The following ASB5 variants were observed in gnomAD, a reference collection of about 807,000 sequenced individuals.
The protein encoded by ASB5 is ankyrin repeat and SOCS box protein 5.
A neutral mutation model predicts 42.1 loss-of-function variants in ASB5; 45 were observed. The observed-to-expected ratio is 1.07, with a 90% CI of 0.84 to 1.37. The LOEUF (loss-of-function observed/expected upper bound fraction) is 1.37. Among genes scored for constraint, ASB5 ranks in the 40% most tolerant of loss-of-function variants. The pLI is 0.00. For synonymous variants in ASB5, 147 were observed against 150.6 expected, an observed-to-expected ratio of 0.98 and a Z score of 0.18; for missense variants, 402 against 399.8, an observed-to-expected ratio of 1.01 and a Z score of -0.05.
intron 1 of ASB5, among the ~76,000 whole-genome samples, chr4:176,227,335 G>C (rs1753408513): frequency 1.3e-5 from 2 of 152,190 alleles, no homozygotes; most frequent in Non-Finnish European, 2.9e-5. Flanking sequence ...AGAGAGAAGA[G>C]AGACTCTGCC....
intron 1 of ASB5, among the ~76,000 whole-genome samples, chr4:176,245,077 C>A (rs1284161425): frequency 6.6e-6 from 1 of 152,172 alleles, no homozygotes; most frequent in Non-Finnish European, 1.5e-5. Context: ...CTTAATTATT[C>A]ATTACCAGGA....
chr4:176,267,951 T>A (rs757055035), intron 1 of ASB5, among the ~76,000 whole-genome samples: 2 of 152,152 alleles, frequency 1.3e-5, no homozygotes, highest in Non-Finnish European at 2.9e-5. Context: ...GAAGGCAAGC[T>A]TTCTACTCTA....
chr4:176,257,563 G>GTCTGCA, intron 1 of ASB5, among the ~76,000 whole-genome samples: 1 of 152,140 alleles, frequency 6.6e-6, no homozygotes, highest in Non-Finnish European at 1.5e-5. Flanking sequence ...GTATCAGAGG[G>GTCTGCA]AGTACCTGCA....
In ASB5 at chr4:176,215,772, A is replaced by G. The variant is rs200678838; in HGVS notation, c.863-45T>C. The G allele has an allele frequency of 9.6e-6, 15 of 1,555,980 alleles. No homozygotes were observed. The East Asian group carries it at 3.4e-4, about 35-fold the overall frequency. On this transcript the variant is annotated intron_variant, in intron 6 of 6. Transcript: ENST00000296525. ...TATTTGTTAATTAAAATAGAAATGA[A>G]TTTTTTATGTTGTAAGGTACATAAC...
chr4:176,274,963 G>A (rs1303506236), intron 2 of ASB5, among the ~76,000 whole-genome samples: 2 of 135,516 alleles, frequency 1.5e-5, no homozygotes, highest in Admixed American at 8.4e-5. Flanking sequence ...CGCCCAGGCT[G>A]GAGTGCAGTG....
At chr4:176,217,261 CT>C (rs972485352) in intron 5 of ASB5, among the ~76,000 whole-genome samples, 90 of 151,928 alleles carry the variant, frequency 5.9e-4, no homozygotes, top group African/African-American at 2.1e-3. Flanking sequence ...TTATGTGACT[CT>C]CTGATACTTT....
intron 5 of ASB5, among the ~76,000 whole-genome samples, chr4:176,218,125 A>C (rs1753025568): frequency 7.8e-6 from 1 of 128,462 alleles, no homozygotes; most frequent in South Asian, 2.2e-4. Flanking sequence ...AGTAATTTCT[A>C]TATATATATA....
At chr4:176,220,598 G>A (rs565890250) in intron 5 of ASB5, among the ~76,000 whole-genome samples, 6 of 152,180 alleles carry the variant, frequency 3.9e-5, no homozygotes, top group Admixed American at 1.3e-4. Context: ...GTTTTTCAGG[G>A]GACTAAAGCT....
chr4:176,268,449 C>T (rs1754402450), intron 1 of ASB5, among the ~76,000 whole-genome samples: 1 of 151,908 alleles, frequency 6.6e-6, no homozygotes, highest in Non-Finnish European at 1.5e-5. Flanking sequence ...TGTGAGAAAC[C>T]AAATCTTGAA....
At position 176,213,733 on chromosome 4, in the gene ASB5, G is replaced by C. The variant is rs1450630964; in HGVS notation, c.*1867C>G. 1 of 151,976 alleles carries C rather than the reference G, an allele frequency of 6.6e-6. No individual in the cohort carries two copies. Among genetic ancestry groups the C allele is most frequent in the Non-Finnish European group, 1.5e-5 (1 of 67,936 alleles). The allele number at this position is 151,976 out of a possible 1,614,324, so 9.4% of individuals were successfully genotyped here. Reference sequence around the variant, plus strand: ...AATAACAAACATACAATACATTAAAGTTAGAACACTACTTTGATAAGACAA... The same window carrying C: ...AATAACAAACATACAATACATTAAACTTAGAACACTACTTTGATAAGACAA... On this transcript the variant is annotated 3_prime_UTR_variant, in exon 7 of 7. Transcript: ENST00000296525.
intron 2 of ASB5, among the ~76,000 whole-genome samples, chr4:176,274,557 C>T (rs1203802708): frequency 1.3e-5 from 2 of 152,166 alleles, no homozygotes; most frequent in Non-Finnish European, 2.9e-5. Context: ...CAGTGCCTCT[C>T]AGGTTATTAT....
intron 1 of ASB5, among the ~76,000 whole-genome samples, chr4:176,242,850 T>A (rs1753837128): frequency 6.6e-6 from 1 of 152,092 alleles, no homozygotes; most frequent in South Asian, 2.1e-4. Context: ...TTCCAAATAA[T>A]TTTTTTTCTA....
At chr4:176,276,825 C>T (rs1295669023) in intron 1 of ASB5, among the ~76,000 whole-genome samples, 1 of 152,114 alleles carries the variant, frequency 6.6e-6, no homozygotes, top group Non-Finnish European at 1.5e-5. Flanking sequence ...GAAGTTGTAC[C>T]AGTAGGGAAA....
chr4:176,213,848 A>T lies in ASB5; in HGVS notation c.*1752T>A, dbSNP rs576412503. ...TGATATTTACTTCTCTTATTGGCAC[A>T]AGACTAATAAGATAGATGGGTTGTA... On this transcript the variant is annotated 3_prime_UTR_variant, in exon 7 of 7. Transcript: ENST00000296525. The T allele has an allele frequency of 6.6e-6, 1 of 152,236 alleles. No individual in the cohort carries two copies. Among genetic ancestry groups the T allele is most frequent in the South Asian group, 2.1e-4 (1 of 4,832 alleles). 9.4% of individuals were successfully genotyped at this position (152,236 alleles called of 1,614,324 possible).
At chr4:176,239,932 C>A (rs1753775270) in intron 1 of ASB5, among the ~76,000 whole-genome samples, 1 of 152,122 alleles carries the variant, frequency 6.6e-6, no homozygotes, top group Non-Finnish European at 1.5e-5. Context: ...ATGGTTAATT[C>A]ACTAGAAAAT....
rs889055164 is a variant in ASB5 at position 176,226,517 on chromosome 4, A to G, written c.197-1176T>C. ...TCAGCCTCCATAGTCATGTGAGCCAATTCCCCTAATCTCCTCTCATATAGC... is the reference window on the plus strand; with the variant it reads ...TCAGCCTCCATAGTCATGTGAGCCAGTTCCCCTAATCTCCTCTCATATAGC... On this transcript the variant is annotated intron_variant, in intron 1 of 6. Coordinates refer to ENST00000296525, the MANE Select transcript of ASB5 (RefSeq NM_080874.4). Among the ~76,000 whole-genome samples the G allele has an allele frequency of 5.9e-5, 9 of 152,052 alleles. No homozygotes were observed. The East Asian group carries it at 1.2e-3, about 20-fold the overall frequency.
upstream of ASB5, among the ~76,000 whole-genome samples, chr4:176,271,926 C>G (rs549531242): frequency 1.3e-5 from 2 of 152,090 alleles, no homozygotes; most frequent in Admixed American, 6.5e-5. Context: ...CTCATACATA[C>G]AGAGATTGAG....
At chr4:176,216,004 C>T (rs1752958443) in intron 6 of ASB5, among the ~76,000 whole-genome samples, 1 of 151,904 alleles carries the variant, frequency 6.6e-6, no homozygotes, top group Non-Finnish European at 1.5e-5. Flanking sequence ...ACAAAGTCTG[C>T]TTTTTGAAGG....
chr4:176,256,574 T>G (rs2126973441), intron 1 of ASB5, among the ~76,000 whole-genome samples: 1 of 152,334 alleles, frequency 6.6e-6, no homozygotes, highest in South Asian at 2.1e-4. Context: ...AAATATACTC[T>G]GCTTATTTTT....
Sources: gnomAD v4.1 joint callset for allele counts (sites outside exome capture counted in the v4.1 genomes callset) on GRCh38, gnomAD v4.1.1 for gene constraint, MANE v1.5 for transcripts, NCBI Gene and HGNC (gene_info 2026-07-23, HGNC 2026-07-21) for gene names.